KCNMA1: variants seen among roughly 807,000 people sequenced by gnomAD.
KCNMA1 encodes the protein potassium calcium-activated channel subfamily M alpha 1, also known as Calcium-activated potassium channel subunit alpha-1.
A neutral mutation model predicts 140.0 loss-of-function variants in KCNMA1; 29 were observed. That is an observed-to-expected ratio of 0.21 (90% CI 0.15 to 0.28). The LOEUF is 0.28. Ranked by LOEUF, KCNMA1 falls within the 10% of genes least tolerant of loss-of-function variation. The pLI is 1.00. For missense variants in KCNMA1, 880 were observed against 1,602.2 expected (o/e 0.55, Z 7.70); for synonymous variants, 612 against 611.9 (o/e 1.00, Z 0.00).
At chr10:77,248,131 A>G (rs919201410) in intron 3 of KCNMA1, among the ~76,000 whole-genome samples, 69 of 152,212 alleles carry the variant, frequency 4.5e-4, no homozygotes, top group Non-Finnish European at 1.8e-4. Context: ...TAAACCACCA[A>G]TGATGACCTT....
At chr10:77,318,347 G>C (rs1410317639) in intron 2 of KCNMA1, among the ~76,000 whole-genome samples, 2 of 152,206 alleles carry the variant, frequency 1.3e-5, no homozygotes, top group Admixed American at 1.3e-4. Context: ...TGAGGCTCAA[G>C]ATCAGACTCA....
intron 1 of KCNMA1, among the ~76,000 whole-genome samples, chr10:77,462,067 CACACAT>C (rs1334531976): frequency 1.3e-5 from 2 of 151,620 alleles, no homozygotes; most frequent in South Asian, 2.1e-4. Context: ...ACAACACAGA[CACACAT>C]ACACATACAC....
At chr10:76,918,380 C>T (rs1190215683) in intron 23 of KCNMA1, among the ~76,000 whole-genome samples, 1 of 152,168 alleles carries the variant, frequency 6.6e-6, no homozygotes, top group East Asian at 1.9e-4. Flanking sequence ...AAGCTATCAC[C>T]AGATGGGCTC....
chr10:77,171,388 T>TGC lies in KCNMA1; in HGVS notation c.808+12032_808+12033insGC, dbSNP rs1554924850. 1.9e-3 allele frequency among the ~76,000 whole-genome samples: 226 copies of TGC among 116,182 alleles called. 1 individual carries two copies. The highest frequency in any genetic ancestry group is 2.8e-3 in the Non-Finnish European group (163 of 57,812). 76.2% of individuals were successfully genotyped at this position (116,182 alleles called of 152,430 possible). On this transcript the variant is annotated intron_variant, in intron 5 of 27. Coordinates refer to ENST00000286628, the MANE Select transcript of KCNMA1 (RefSeq NM_001161352.2). ...ATAGATTTCGGAAAGTACGTGTGCG[T>TGC]GTGTGTGTGTGCGTGTGTGTGTGTG...
At chr10:77,012,441 C>T (rs1445523434) in intron 17 of KCNMA1, 2 of 1,549,556 alleles carry the variant, frequency 1.3e-6, no homozygotes, top group Non-Finnish European at 1.7e-6. Flanking sequence ...ACAGTCTGGT[C>T]AAATATATAT....
chr10:77,212,173 A>T (rs1294041979), intron 3 of KCNMA1, among the ~76,000 whole-genome samples: 1 of 152,236 alleles, frequency 6.6e-6, no homozygotes. Context: ...GAAATTTCAC[A>T]GTAGCAAATA....
At chr10:77,579,356 G>A (rs532369095) in intron 1 of KCNMA1, among the ~76,000 whole-genome samples, 4 of 152,258 alleles carry the variant, frequency 2.6e-5, no homozygotes, top group Admixed American at 2.6e-4. Context: ...TCAGGTGTGG[G>A]CAAACTTCTC....
At chr10:77,574,733 C>A (rs2073360664) in intron 1 of KCNMA1, among the ~76,000 whole-genome samples, 2 of 152,204 alleles carry the variant, frequency 1.3e-5, no homozygotes, top group Non-Finnish European at 2.9e-5. Context: ...AATGACGACT[C>A]CTAGCTCATA....
intron 1 of KCNMA1, among the ~76,000 whole-genome samples, chr10:77,473,846 C>T (rs896602281): frequency 6.6e-6 from 1 of 152,198 alleles, no homozygotes; most frequent in African/African-American, 2.4e-5. Context: ...TAACGTGTCA[C>T]CATGGCTATA....
intron 19 of KCNMA1, among the ~76,000 whole-genome samples, chr10:76,973,755 A>G (rs2076729338): frequency 6.6e-6 from 1 of 152,218 alleles, no homozygotes; most frequent in African/African-American, 2.4e-5. Flanking sequence ...TACATATTTC[A>G]CTAGATTTTT....
At chr10:76,932,648 G>A (rs1356440273) in intron 23 of KCNMA1, among the ~76,000 whole-genome samples, 1 of 152,108 alleles carries the variant, frequency 6.6e-6, no homozygotes, top group Non-Finnish European at 1.5e-5. Flanking sequence ...AATGAAATCT[G>A]GAATCTTTAT....
At chr10:77,486,759 A>G (rs996776049) in intron 1 of KCNMA1, among the ~76,000 whole-genome samples, 1 of 152,216 alleles carries the variant, frequency 6.6e-6, no homozygotes, top group African/African-American at 2.4e-5. Flanking sequence ...GCAAAGCCCA[A>G]GGGTTTCTCC....
chr10:77,251,370 T>C (rs2059631160), intron 2 of KCNMA1, 114 bp from the exon 3 acceptor site: 1 of 789,874 alleles, frequency 1.3e-6, no homozygotes, highest in African/African-American at 1.7e-5. Flanking sequence ...CTTGGGGACC[T>C]GCTTGGAAAT....
chr10:77,195,477 T>C (rs546430801), intron 3 of KCNMA1, among the ~76,000 whole-genome samples: 2 of 152,340 alleles, frequency 1.3e-5, no homozygotes, highest in Admixed American at 6.5e-5. Context: ...CCTATGATTA[T>C]ACAATCATAT....
intron 1 of KCNMA1, among the ~76,000 whole-genome samples, chr10:77,549,707 T>G (rs949419471): frequency 6.6e-6 from 1 of 152,246 alleles, no homozygotes; most frequent in African/African-American, 2.4e-5. Flanking sequence ...AGTAACGTCC[T>G]GTCTAAACAT....
At chr10:77,274,364 C>G (rs1329816903) in intron 2 of KCNMA1, among the ~76,000 whole-genome samples, 1 of 152,166 alleles carries the variant, frequency 6.6e-6, no homozygotes, top group African/African-American at 2.4e-5. Context: ...AGGATGCCCC[C>G]ACAATGTTCT....
At chr10:77,422,732 A>G (rs39685) in intron 1 of KCNMA1, among the ~76,000 whole-genome samples, 2,882 of 152,306 alleles carry the variant, frequency 0.019, 41 homozygotes, top group South Asian at 0.049. Flanking sequence ...AGGAGGAAAG[A>G]GACACACATA....
chr10:77,436,980 AC>A (rs1358940036), intron 1 of KCNMA1, among the ~76,000 whole-genome samples: 1,604 of 151,802 alleles, frequency 0.011, 31 homozygotes, highest in African/African-American at 0.037. Flanking sequence ...ACACACACAC[AC>A]ACACACACAC....
In KCNMA1 at chr10:76,885,253, TTATA is replaced by T. The variant is rs1342449981; in HGVS notation, c.*2009_*2012del. 4.0e-6 allele frequency: 2 copies of T among 496,794 alleles called. No individual in the cohort carries two copies. The highest frequency in any genetic ancestry group is 1.3e-4 in the East Asian group (1 of 7,472). The allele number at this position is 496,794 out of a possible 1,614,324, so 30.8% of individuals were successfully genotyped here. ...TAATTATATAGTTATATATATATAA[TTATA>T]TATAGTTTATATAAAGAGATAGTTA... On this transcript the variant is annotated 3_prime_UTR_variant, in exon 28 of 28. Transcript: ENST00000286628.
Sources: gnomAD v4.1 joint callset for allele counts (sites outside exome capture counted in the v4.1 genomes callset) on GRCh38, gnomAD v4.1.1 for gene constraint, MANE v1.5 for transcripts, NCBI Gene and HGNC (gene_info 2026-07-23, HGNC 2026-07-21) for gene names.